Variants in IL1RAPL2 observed in about 807,000 individuals in gnomAD.
IL1RAPL2 encodes the protein X-linked interleukin-1 receptor accessory protein-like 2.
IL1RAPL2 carries 3 observed loss-of-function variants against 44.1 expected under a neutral mutation model. The ratio of observed to expected loss-of-function variants is 0.07; its 90% CI spans 0.03 to 0.18. The LOEUF is 0.18. Ranked by LOEUF, IL1RAPL2 falls within the 10% of genes least tolerant of loss-of-function variation. The pLI, the probability that IL1RAPL2 is intolerant of heterozygous loss-of-function variation, is 1.00. For synonymous variants in IL1RAPL2, 181 were observed against 178.8 expected (o/e 1.01, Z -0.10); for missense variants, 391 against 496.4 (o/e 0.79, Z 2.02).
intron 5 of IL1RAPL2, among the ~76,000 whole-genome samples, chrX:105,279,683 T>C (rs777907614): frequency 2.6e-3 from 294 of 111,663 alleles, no homozygotes; most frequent in Non-Finnish European, 4.1e-3. Context: ...TTTCACCATG[T>C]TGACCAGGAT....
intron 2 of IL1RAPL2, among the ~76,000 whole-genome samples, chrX:104,914,856 A>T (rs768111956): frequency 7.2e-5 from 8 of 110,609 alleles, no homozygotes. Context: ...GAGAATGATG[A>T]TTTCCAATTT....
At chrX:105,180,410 G>A (rs1274509887) in intron 2 of IL1RAPL2, among the ~76,000 whole-genome samples, 1 of 111,220 alleles carries the variant, frequency 9.0e-6, no homozygotes, top group African/African-American at 3.3e-5. Context: ...TCTTGTTCCA[G>A]ATTTTAGAGG....
chrX:104,601,278 C>T (rs1376750565), intron 1 of IL1RAPL2, among the ~76,000 whole-genome samples: 8 of 109,030 alleles, frequency 7.3e-5, no homozygotes, highest in Non-Finnish European at 9.5e-5. Context: ...TCCTCCCCCT[C>T]CCCCTACCCC....
chrX:105,311,579 C>T (rs1199169526), intron 5 of IL1RAPL2, among the ~76,000 whole-genome samples: 1 of 107,095 alleles, frequency 9.3e-6, no homozygotes, highest in Non-Finnish European at 1.9e-5. Flanking sequence ...TCATTTATCC[C>T]CCATCACTCT....
chrX:104,791,029 C>T (rs988623816), intron 2 of IL1RAPL2, among the ~76,000 whole-genome samples: 3 of 111,606 alleles, frequency 2.7e-5, no homozygotes, highest in African/African-American at 3.3e-5. Context: ...ATGGGTACTA[C>T]TAGCATTCCC....
chrX:105,276,849 C>G (rs2034490543), intron 5 of IL1RAPL2, among the ~76,000 whole-genome samples: 1 of 111,643 alleles, frequency 9.0e-6, no homozygotes, highest in African/African-American at 3.3e-5. Flanking sequence ...GAAAGAAAAC[C>G]TGAAGTGGCC....
intron 2 of IL1RAPL2, among the ~76,000 whole-genome samples, chrX:104,908,599 A>G (rs1924118269): frequency 9.0e-6 from 1 of 111,371 alleles, no homozygotes; most frequent in African/African-American, 3.3e-5. Context: ...CTGGGTTGAA[A>G]ATTCTTTTCT....
intron 5 of IL1RAPL2, among the ~76,000 whole-genome samples, chrX:105,391,749 T>C (rs2035524499): frequency 1.5e-5 from 1 of 67,542 alleles, no homozygotes; most frequent in African/African-American, 6.3e-5. Flanking sequence ...CCAACCCAAA[T>C]GTCCAACAAT....
intron 2 of IL1RAPL2, among the ~76,000 whole-genome samples, chrX:105,093,346 T>C (rs989622366): frequency 1.8e-5 from 2 of 112,016 alleles, no homozygotes; most frequent in South Asian, 3.7e-4. Flanking sequence ...AGAATAACTA[T>C]GATGACAAAG....
At chrX:105,008,554 G>A (rs1253869937) in intron 2 of IL1RAPL2, among the ~76,000 whole-genome samples, 2 of 110,900 alleles carry the variant, frequency 1.8e-5, no homozygotes, top group African/African-American at 3.3e-5. Context: ...GCCATATGTA[G>A]AAAGCTGAAA....
At chrX:105,400,863 T>G (rs777103173) in intron 5 of IL1RAPL2, among the ~76,000 whole-genome samples, 2 of 111,890 alleles carry the variant, frequency 1.8e-5, no homozygotes, top group East Asian at 5.6e-4. Context: ...TTACTCTGTT[T>G]TGTGCTGCTA....
At chrX:104,612,606 C>CATGT (rs2148004981) in intron 1 of IL1RAPL2, among the ~76,000 whole-genome samples, 1 of 111,805 alleles carries the variant, frequency 8.9e-6, no homozygotes, top group South Asian at 3.7e-4. Flanking sequence ...GAAGCCAGGT[C>CATGT]ATGTGATGCC....
intron 3 of IL1RAPL2, among the ~76,000 whole-genome samples, chrX:105,207,292 G>C (rs1405372254): frequency 9.0e-6 from 1 of 111,338 alleles, no homozygotes; most frequent in Non-Finnish European, 1.9e-5. Context: ...AGGGGAATTA[G>C]GACATGTATA....
chrX:104,911,294 T>C (rs928853131), intron 2 of IL1RAPL2, among the ~76,000 whole-genome samples: 1 of 112,091 alleles, frequency 8.9e-6, no homozygotes, highest in African/African-American at 3.2e-5. Flanking sequence ...TAATTTACTT[T>C]ATGAGACTAG....
At chrX:105,225,689 A>T (rs1158687758) in intron 3 of IL1RAPL2, among the ~76,000 whole-genome samples, 22 of 106,989 alleles carry the variant, frequency 2.1e-4, no homozygotes, top group African/African-American at 7.2e-4. Context: ...ATTTTATTTT[A>T]TTTTATTTTT....
At chrX:104,577,647 G>A (rs753133823) in intron 1 of IL1RAPL2, among the ~76,000 whole-genome samples, 1 of 111,269 alleles carries the variant, frequency 9.0e-6, no homozygotes, top group Non-Finnish European at 1.9e-5. Context: ...AAAACTGGTT[G>A]TGAGGTGGGA....
intron 3 of IL1RAPL2, chrX:105,219,596 C>T (rs868964493): frequency 8.3e-7 from 1 of 1,210,308 alleles, no homozygotes; most frequent in East Asian, 3.0e-5. Flanking sequence ...ACAACCTCCA[C>T]ATCCCTCTGC....
chrX:104,684,374 C>T (rs1930944423), intron 2 of IL1RAPL2, among the ~76,000 whole-genome samples: 1 of 112,014 alleles, frequency 8.9e-6, no homozygotes, highest in South Asian at 3.7e-4. Flanking sequence ...CAAGGAGAAA[C>T]TAGTAAGTTG....
At chrX:105,052,815 T>C (rs1473522637) in intron 2 of IL1RAPL2, among the ~76,000 whole-genome samples, 1 of 110,436 alleles carries the variant, frequency 9.1e-6, no homozygotes, top group Non-Finnish European at 1.9e-5. Flanking sequence ...CCTATCAACC[T>C]GTCATCTAGG....
Sources: allele counts gnomAD v4.1 joint callset (sites outside exome capture counted in the v4.1 genomes callset), GRCh38; gene constraint gnomAD v4.1.1; transcripts MANE v1.5; gene names NCBI Gene and HGNC (gene_info 2026-07-23, HGNC 2026-07-21).